Variants in SHANK2 observed in about 807,000 individuals in gnomAD.
The protein encoded by SHANK2 is SH3 and multiple ankyrin repeat domains protein 2.
SHANK2 carries 43 observed loss-of-function variants against 133.7 expected under a neutral mutation model. The ratio of observed to expected loss-of-function variants is 0.32; its 90% CI spans 0.25 to 0.41. The LOEUF (loss-of-function observed/expected upper bound fraction) is 0.41. Among genes scored for constraint, SHANK2 ranks in the 10% least tolerant of loss-of-function variants. The pLI is 1.00. For synonymous variants in SHANK2, 1,017 were observed against 952.8 expected, an observed-to-expected ratio of 1.07 and a Z score of -1.24; for missense variants, 1,994 against 2,235.8, an observed-to-expected ratio of 0.89 and a Z score of 2.18.
rs140593641 is a variant in SHANK2, at chr11:70,745,729, G to A, written c.1778-46966C>T. ...GGTCTGCCTCCTACTTCTGTGAGCC[G>A]TCCCACTCCCTGCCTCACCTGAGCT... On this transcript the variant is annotated intron_variant, in intron 14 of 25. Coordinates refer to ENST00000601538, the MANE Select transcript of SHANK2 (RefSeq NM_012309.5). Among the ~76,000 whole-genome samples, 824 of 152,268 alleles carry A rather than the reference G, an allele frequency of 5.4e-3. 3 individuals carry two copies. The highest frequency in any genetic ancestry group is 8.3e-3 in the South Asian group (40 of 4,826).
chr11:70,852,913 T>C (rs1590759525), intron 11 of SHANK2, among the ~76,000 whole-genome samples: 1 of 152,048 alleles, frequency 6.6e-6, no homozygotes. Flanking sequence ...AGGGGAGGGG[T>C]TGCCTTGGCA....
intron 17 of SHANK2, among the ~76,000 whole-genome samples, chr11:70,550,649 G>A (rs1323334184): frequency 6.6e-6 from 1 of 152,198 alleles, no homozygotes; most frequent in Admixed American, 6.5e-5. Context: ...TAAGAACTGA[G>A]CGATGTTGTT....
intron 14 of SHANK2, among the ~76,000 whole-genome samples, chr11:70,746,662 C>T (rs2508195): frequency 1.3e-5 from 2 of 152,168 alleles, no homozygotes; most frequent in Admixed American, 6.5e-5. Context: ...TAGGAGGGGC[C>T]GATGGGAGCC....
intron 10 of SHANK2, among the ~76,000 whole-genome samples, chr11:70,898,714 C>T (rs1006038393): frequency 7.2e-5 from 11 of 152,086 alleles, no homozygotes; most frequent in East Asian, 3.9e-4. Context: ...AGAAATGAAT[C>T]GAAGAAGGAA....
chr11:70,538,612 T>C (rs2059574196), intron 17 of SHANK2, among the ~76,000 whole-genome samples: 1 of 152,222 alleles, frequency 6.6e-6, no homozygotes, highest in South Asian at 2.1e-4. Flanking sequence ...CTAACCTGTC[T>C]GCTGCAGGAA....
chr11:70,890,496 A>C (rs11237840), intron 11 of SHANK2, among the ~76,000 whole-genome samples: 4 of 22,308 alleles, frequency 1.8e-4, no homozygotes, highest in Non-Finnish European at 1.5e-3. Flanking sequence ...AACAAAAAAA[A>C]CAAAAAAAAC....
chr11:70,653,208 C>T (rs554888501), intron 17 of SHANK2, among the ~76,000 whole-genome samples: 3 of 152,210 alleles, frequency 2.0e-5, no homozygotes, highest in African/African-American at 4.8e-5. Flanking sequence ...TTCCTGACCT[C>T]GTGATCCGCC....
At chr11:70,516,089 TC>T (rs1261531810) in intron 17 of SHANK2, among the ~76,000 whole-genome samples, 1 of 152,224 alleles carries the variant, frequency 6.6e-6, no homozygotes, top group African/African-American at 2.4e-5. Context: ...AAGACTAAGT[TC>T]GATCACAGCC....
chr11:71,094,449 C>G (rs1951571368), intron 7 of SHANK2, 88 bp downstream of exon 7: 1 of 1,357,756 alleles, frequency 7.4e-7, no homozygotes, highest in Non-Finnish European at 1.0e-6. Context: ...CACGGACCCC[C>G]TAGGATGGGC....
intron 17 of SHANK2, among the ~76,000 whole-genome samples, chr11:70,648,493 C>T (rs2061298573): frequency 6.6e-6 from 1 of 152,136 alleles, no homozygotes; most frequent in African/African-American, 2.4e-5. Context: ...TTATTTGTGT[C>T]TGACATGATT....
At chr11:70,886,220 G>A (rs1169684030) in intron 11 of SHANK2, among the ~76,000 whole-genome samples, 10 of 152,218 alleles carry the variant, frequency 6.6e-5, no homozygotes, top group Non-Finnish European at 1.3e-4. Flanking sequence ...GCTCCCATAT[G>A]CCTTGAAACT....
chr11:70,689,016 CTTTTTGG>C (rs1422426477), intron 15 of SHANK2, among the ~76,000 whole-genome samples: 25 of 152,196 alleles, frequency 1.6e-4, no homozygotes, highest in Non-Finnish European at 2.9e-5. Context: ...CTAAGCCTCT[CTTTTTGG>C]TGTTTGACCT....
Position 70,656,194 on chromosome 11 carries a change from G to A in SHANK2, c.2061+3634C>T, listed in dbSNP as rs538431571. Among the ~76,000 whole-genome samples the A allele has an allele frequency of 1.2e-4, 18 of 152,302 alleles. No homozygotes were observed. The South Asian group carries it at 3.7e-3, about 32-fold the overall frequency. On this transcript the variant is annotated intron_variant, in intron 17 of 25. Transcript: ENST00000601538. ...TAAGGGCCATCTCAAAGAGACAGCAGACAAAGTCTTCAGCAAACTCTTATG... is the reference window on the plus strand; with the variant it reads ...TAAGGGCCATCTCAAAGAGACAGCAAACAAAGTCTTCAGCAAACTCTTATG...
chr11:70,600,948 T>C (rs1266457135), intron 17 of SHANK2, among the ~76,000 whole-genome samples: 2 of 152,184 alleles, frequency 1.3e-5, no homozygotes, highest in East Asian at 1.9e-4. Context: ...GATAAATTCA[T>C]CTACATTAAA....
In SHANK2 at chr11:71,175,017, G is replaced by A. The variant is rs782720963; in HGVS notation, c.-12-27679C>T. 2.0e-5 allele frequency among the ~76,000 whole-genome samples: 3 copies of A among 152,126 alleles called. No homozygotes were observed. The highest frequency in any genetic ancestry group is 4.4e-5 in the Non-Finnish European group (3 of 68,012). Reference sequence around the variant, plus strand: ...CTTGTCTCCCCCTCCTCCTCTCCCAGTTTACATGTCATGCTCTCAGATAAG... The same window carrying A: ...CTTGTCTCCCCCTCCTCCTCTCCCAATTTACATGTCATGCTCTCAGATAAG... On this transcript the variant is annotated intron_variant, in intron 2 of 25. Transcript: ENST00000601538. The surrounding 1 kb of genome is among the most constrained non-coding windows in gnomAD (Gnocchi z 4.2).
chr11:70,546,687 G>A (rs1755895105), intron 17 of SHANK2, among the ~76,000 whole-genome samples: 2 of 151,744 alleles, frequency 1.3e-5, no homozygotes, highest in Non-Finnish European at 2.9e-5. Context: ...GTGGGAGGGT[G>A]TCCACTGCCT....
rs927613338 is a variant in SHANK2 at position 70,848,322 on chromosome 11, T to C, written c.1175-27640A>G. 4.7e-4 allele frequency among the ~76,000 whole-genome samples: 72 copies of C among 152,200 alleles called. 2 individuals carry two copies. The highest frequency in any genetic ancestry group is 2.8e-3 in the Admixed American group (43 of 15,304). On this transcript the variant is annotated intron_variant, in intron 11 of 25. Coordinates refer to ENST00000601538, the MANE Select transcript of SHANK2 (RefSeq NM_012309.5). Reference sequence around the variant, plus strand: ...GAATCTGCCCGTGAGCCGCCAGGAATTGTGGGGTGGGGGGTTTGAAAGACG... The same window carrying C: ...GAATCTGCCCGTGAGCCGCCAGGAACTGTGGGGTGGGGGGTTTGAAAGACG...
At position 71,175,287 on chromosome 11, in the gene SHANK2, C is replaced by T. The variant is rs905390682; in HGVS notation, c.-12-27949G>A. On this transcript the variant is annotated intron_variant, in intron 2 of 25. Transcript: ENST00000601538. The surrounding 1 kb of genome is among the most constrained non-coding windows in gnomAD (Gnocchi z 4.2). ...CTGGATGGGCATGGGAACAACACAG[C>T]TGAGCATGACAGGTCGCCCCAGGAA... 1.3e-5 allele frequency among the ~76,000 whole-genome samples: 2 copies of T among 152,272 alleles called. No individual in the cohort carries two copies. The highest frequency in any genetic ancestry group is 4.1e-4 in the South Asian group (2 of 4,828).
At chr11:71,147,795 C>T (rs556172110) in intron 2 of SHANK2, among the ~76,000 whole-genome samples, 3 of 152,346 alleles carry the variant, frequency 2.0e-5, no homozygotes, top group African/African-American at 7.2e-5. Context: ...GTCAGAATGG[C>T]AGCAAGTTCA....
Sources: gnomAD v4.1 joint callset for allele counts (sites outside exome capture counted in the v4.1 genomes callset) on GRCh38, gnomAD v4.1.1 for gene constraint, Gnocchi (gnomAD v3.1) non-coding constraint, MANE v1.5 for transcripts, NCBI Gene and HGNC (gene_info 2026-07-23, HGNC 2026-07-21) for gene names.